The following MTUS2 variants were observed in gnomAD, a reference collection of about 807,000 sequenced individuals.
MTUS2 encodes the protein microtubule-associated tumor suppressor candidate 2.
In MTUS2, 40 loss-of-function variants were observed where a neutral mutation model predicts 114.1. The ratio of observed to expected loss-of-function variants is 0.35; its 90% confidence interval spans 0.27 to 0.46. The LOEUF (loss-of-function observed/expected upper bound fraction) is 0.46, where lower values mean the gene tolerates loss of function less well. MTUS2 is among the 20% of genes least tolerant of loss of function. MTUS2 has a pLI of 1.00. For missense variants in MTUS2, 1,679 were observed against 1,705.4 expected (o/e 0.98, Z 0.27); for synonymous variants, 688 against 672.0 (o/e 1.02, Z -0.37).
rs753097101 is a variant in MTUS2 at position 29,504,968 on chromosome 13, T to C, written c.*1762T>C. 4.3e-6 allele frequency: 1 copy of C among 232,604 alleles called. No homozygotes were observed. Among genetic ancestry groups the C allele is most frequent in the Non-Finnish European group, 8.5e-6 (1 of 117,718 alleles). 14.4% of individuals were successfully genotyped at this position (232,604 alleles called of 1,614,324 possible). A position where few individuals can be genotyped will look rare whatever the true frequency, so the allele number is the denominator to read the frequency against. On this transcript the variant is annotated 3_prime_UTR_variant, in exon 16 of 16. Coordinates refer to ENST00000612955, the MANE Select transcript of MTUS2 (RefSeq NM_001033602.4). ...GCAGACATGGTCCCTGGCCCTAGGA[T>C]GAGTCCACGCTGGGCTTCCGGGCCT...
chr13:29,215,883 C>A (rs1446567121), intron 5 of MTUS2, among the ~76,000 whole-genome samples: 1 of 152,190 alleles, frequency 6.6e-6, no homozygotes, highest in Non-Finnish European at 1.5e-5. Context: ...GGCAGTCCAT[C>A]CCTTAGCAGA....
chr13:29,102,322 ATGATATATATC>A (rs535056604), intron 5 of MTUS2, among the ~76,000 whole-genome samples: 24 of 152,304 alleles, frequency 1.6e-4, no homozygotes, highest in Admixed American at 1.2e-3. Flanking sequence ...AACTTATCAT[ATGATATATATC>A]TTTCCAACAA....
At chr13:28,885,383 G>A (rs1254832474) in intron 2 of MTUS2, among the ~76,000 whole-genome samples, 1 of 152,168 alleles carries the variant, frequency 6.6e-6, no homozygotes, top group Non-Finnish European at 1.5e-5. Context: ...CAACATTTAT[G>A]GAAACCTGTT....
At chr13:28,861,319 C>A (rs1031234306) in intron 2 of MTUS2, among the ~76,000 whole-genome samples, 9 of 152,204 alleles carry the variant, frequency 5.9e-5, no homozygotes, top group African/African-American at 2.2e-4. Context: ...TTAATCTCTG[C>A]AAAATTATTG....
chr13:28,924,662 A>G (rs1387778346), intron 2 of MTUS2, among the ~76,000 whole-genome samples: 1 of 152,126 alleles, frequency 6.6e-6, no homozygotes, highest in East Asian at 1.9e-4. Flanking sequence ...TGGCTGTGTG[A>G]CTGTGGTCAG....
intron 2 of MTUS2, among the ~76,000 whole-genome samples, chr13:29,003,191 T>C (rs1885459403): frequency 6.6e-6 from 1 of 152,262 alleles, no homozygotes; most frequent in African/African-American, 2.4e-5. Context: ...TGCCGCTTAC[T>C]GTGTGCCTAA....
In MTUS2 at chr13:29,503,627, T is replaced by C; in HGVS notation, c.*421T>C. The C allele has an allele frequency of 4.0e-6, 1 of 248,884 alleles. No homozygotes were observed. Among genetic ancestry groups the C allele is most frequent in the Non-Finnish European group, 7.9e-6 (1 of 127,246 alleles). 15.4% of individuals were successfully genotyped at this position (248,884 alleles called of 1,614,324 possible). A position where few individuals can be genotyped will look rare whatever the true frequency, so the allele number is the denominator to read the frequency against. ...TTTCATTTTTTATAACATGAAGTGC[T>C]GACATATTTTAGTGAAGGTCAGCAG... On this transcript the variant is annotated 3_prime_UTR_variant, in exon 16 of 16. Coordinates refer to ENST00000612955, the MANE Select transcript of MTUS2 (RefSeq NM_001033602.4).
chr13:29,345,177 A>AAAAG (rs1455027954), intron 7 of MTUS2, among the ~76,000 whole-genome samples: 6 of 151,952 alleles, frequency 3.9e-5, no homozygotes, highest in African/African-American at 1.2e-4. Flanking sequence ...GTGTTCTTTG[A>AAAAG]GCTTCTTGTG....
At chr13:28,885,838 A>G (rs900054605) in intron 2 of MTUS2, among the ~76,000 whole-genome samples, 6 of 152,256 alleles carry the variant, frequency 3.9e-5, no homozygotes, top group African/African-American at 1.4e-4. Flanking sequence ...AATCAAGGAA[A>G]ACAAGTAAAA....
chr13:29,500,540 G>A (rs545988864), intron 14 of MTUS2, among the ~76,000 whole-genome samples: 1 of 152,282 alleles, frequency 6.6e-6, no homozygotes, highest in East Asian at 1.9e-4. Context: ...CTTGCGCTTT[G>A]CATTCCTGGC....
intron 2 of MTUS2, among the ~76,000 whole-genome samples, chr13:28,962,768 G>A (rs1039676096): frequency 6.6e-6 from 1 of 152,140 alleles, no homozygotes; most frequent in African/African-American, 2.4e-5. Context: ...CTTGTTCTGG[G>A]TGTCTCAGAG....
At chr13:29,248,668 C>T (rs1229761676) in intron 5 of MTUS2, among the ~76,000 whole-genome samples, 6 of 152,022 alleles carry the variant, frequency 3.9e-5, no homozygotes, top group African/African-American at 2.4e-5. Context: ...TGTTGTTCCC[C>T]GCCTTGTGTC....
intron 8 of MTUS2, among the ~76,000 whole-genome samples, chr13:29,432,229 G>A (rs2138645510): frequency 6.6e-6 from 1 of 152,198 alleles, no homozygotes; most frequent in South Asian, 2.1e-4. Context: ...GATGCAGTCT[G>A]TAGAAAGACT....
At chr13:29,204,009 GAGTGC>G (rs1474797504) in intron 5 of MTUS2, among the ~76,000 whole-genome samples, 1 of 151,838 alleles carries the variant, frequency 6.6e-6, no homozygotes, top group Admixed American at 6.6e-5. Context: ...ACCCAGGCTG[GAGTGC>G]AGTGGCATGA....
intron 8 of MTUS2, among the ~76,000 whole-genome samples, chr13:29,419,263 G>A (rs1283373951): frequency 6.6e-6 from 1 of 152,222 alleles, no homozygotes; most frequent in Non-Finnish European, 1.5e-5. Context: ...AGGAGTGGCA[G>A]GGTGGATCCT....
At chr13:29,210,726 A>G (rs1003160261) in intron 5 of MTUS2, among the ~76,000 whole-genome samples, 2 of 152,152 alleles carry the variant, frequency 1.3e-5, no homozygotes, top group African/African-American at 4.8e-5. Context: ...CTGAGCTACC[A>G]GGCTCCAGGC....
chr13:29,028,754 AG>A (rs1359001227), intron 3 of MTUS2, among the ~76,000 whole-genome samples: 1 of 152,078 alleles, frequency 6.6e-6, no homozygotes, highest in African/African-American at 2.4e-5. Flanking sequence ...AAACTCCATG[AG>A]GGAAGGGATT....
chr13:28,956,194 TA>T (rs965393035), intron 2 of MTUS2, among the ~76,000 whole-genome samples: 1 of 151,990 alleles, frequency 6.6e-6, no homozygotes, highest in Non-Finnish European at 1.5e-5. Flanking sequence ...TCACTTAGAA[TA>T]ATAGTCTCTA....
intron 4 of MTUS2, among the ~76,000 whole-genome samples, chr13:29,081,068 A>AT (rs1387563340): frequency 6.6e-6 from 1 of 152,306 alleles, no homozygotes; most frequent in East Asian, 1.9e-4. Context: ...ACTGACATAA[A>AT]TAAAGCAGGG....
Sources: gnomAD v4.1 joint callset for allele counts (sites outside exome capture counted in the v4.1 genomes callset) on GRCh38, gnomAD v4.1.1 for gene constraint, MANE v1.5 for transcripts, NCBI Gene and HGNC (gene_info 2026-07-23, HGNC 2026-07-21) for gene names.